RNF212: variants seen among roughly 807,000 people sequenced by gnomAD.
The protein encoded by RNF212 is probable E3 SUMO-protein ligase RNF212.
In RNF212, 33 loss-of-function variants were observed where a neutral mutation model predicts 34.7. The ratio of observed to expected loss-of-function variants is 0.95; its 90% CI spans 0.72 to 1.27. RNF212 has a LOEUF of 1.27. RNF212 is among the 50% of genes most tolerant of loss of function. RNF212 has a pLI of 0.00. For missense variants in RNF212, 377 were observed against 362.2 expected (o/e 1.04, Z -0.33); for synonymous variants, 140 against 136.1 (o/e 1.03, Z -0.20).
chr4:1,066,059 TA>T (rs1718074960), intron 3 of RNF212, among the ~76,000 whole-genome samples: 1 of 6,932 alleles, frequency 1.4e-4, no homozygotes, highest in African/African-American at 6.0e-3. Flanking sequence ...AATGGCTGTT[TA>T]TCTCATCCTA....
chr4:1,090,995 G>A (rs1160079807), intron 3 of RNF212, among the ~76,000 whole-genome samples, 157 bp from the exon 4 acceptor site: 13 of 152,212 alleles, frequency 8.5e-5, no homozygotes, highest in Admixed American at 8.5e-4. Flanking sequence ...GCCAGTGCTT[G>A]CACAGGCAGG....
chr4:1,078,949 C>T (rs1351057302), intron 8 of RNF212, among the ~76,000 whole-genome samples: 1,524 of 125,764 alleles, frequency 0.012, 60 homozygotes, highest in African/African-American at 0.047. Context: ...CAACACAGGA[C>T]CAACACAGGA....
chr4:1,081,785 C>T (rs1001863512), intron 5 of RNF212, 166 bp from the exon 6 acceptor site: 15 of 611,932 alleles, frequency 2.5e-5, no homozygotes, highest in African/African-American at 5.5e-5. Flanking sequence ...TCCTGTGAGT[C>T]GCACGGCCCT....
chr4:1,069,092 T>G (rs943959990), downstream of RNF212, among the ~76,000 whole-genome samples: 1 of 152,022 alleles, frequency 6.6e-6, no homozygotes, highest in Non-Finnish European at 1.5e-5. Context: ...ATGCCTATAG[T>G]CCCAGCTACT....
intron 4 of RNF212, among the ~76,000 whole-genome samples, chr4:1,088,393 G>C (rs1272026633): frequency 6.6e-6 from 1 of 152,218 alleles, no homozygotes; most frequent in South Asian, 2.1e-4. Flanking sequence ...AAGCAGCAAA[G>C]CGTTCAAGAT....
chr4:1,066,410 C>T (rs1718099684), intron 3 of RNF212, among the ~76,000 whole-genome samples: 4 of 152,174 alleles, frequency 2.6e-5, no homozygotes, highest in African/African-American at 7.2e-5. Context: ...CTTACTGCAA[C>T]CTTTGCCCCC....
intron 5 of RNF212, among the ~76,000 whole-genome samples, chr4:1,084,560 T>C (rs1316892641): frequency 6.6e-6 from 1 of 151,482 alleles, no homozygotes; most frequent in Non-Finnish European, 1.5e-5. Flanking sequence ...TGAGACCCCA[T>C]CTCCACACAA....
chr4:1,093,580 G>A, intron 3 of RNF212: 1 of 1,536,052 alleles, frequency 6.5e-7, no homozygotes, highest in Non-Finnish European at 8.7e-7. Context: ...GGCACGAGAG[G>A]CAGAGCAGAC....
At chr4:1,100,459 T>C (rs1200469273) in intron 2 of RNF212, 4 of 149,076 alleles carry the variant, frequency 2.7e-5, no homozygotes, top group Non-Finnish European at 2.9e-5. Flanking sequence ...CCAGGCTGGA[T>C]TGCAGTGGTG....
intron 4 of RNF212, chr4:1,058,258 T>A (rs906346472): frequency 3.0e-5 from 20 of 661,194 alleles, no homozygotes; most frequent in Non-Finnish European, 3.5e-5. Context: ...GTTAGAACGC[T>A]GTGAAGAAGG....
chr4:1,075,849 G>C (rs1560104439), intron 8 of RNF212, among the ~76,000 whole-genome samples: 1 of 152,044 alleles, frequency 6.6e-6, no homozygotes, highest in African/African-American at 2.4e-5. Flanking sequence ...TTTTTGTAGA[G>C]ATGGGGTCTT....
intron 2 of RNF212, among the ~76,000 whole-genome samples, chr4:1,099,347 A>T (rs2153058302): frequency 6.6e-6 from 1 of 152,368 alleles, no homozygotes; most frequent in East Asian, 1.9e-4. Flanking sequence ...TGTAGGTAAG[A>T]AAAATAATTC....
chr4:1,063,120 G>A lies in RNF212; in HGVS notation n.148-4727C>T, dbSNP rs192806312. Among the ~76,000 whole-genome samples, 8 of 152,272 alleles carry A rather than the reference G, an allele frequency of 5.3e-5. No individual in the cohort carries two copies. In the East Asian group the frequency reaches 1.5e-3, roughly 29 times the overall value. The stretch of plus-strand genomic sequence containing the variant: ...GGAAGATGCAGTGTTAGTATTAGAT[G>A]GCAATACCCCCTACATTGATGTACA... On this transcript the variant is annotated intron_variant and non_coding_transcript_variant, in intron 3 of 4. Coordinates refer to the RNF212 transcript ENST00000503206.
At chr4:1,064,954 C>T (rs181209252) in intron 3 of RNF212, among the ~76,000 whole-genome samples, 46 of 152,314 alleles carry the variant, frequency 3.0e-4, no homozygotes, top group African/African-American at 8.9e-4. Context: ...TTCATCCACG[C>T]GGTAGCGTGT....
At chr4:1,107,975 G>A (rs1416476386) in intron 2 of RNF212, among the ~76,000 whole-genome samples, 3 of 152,176 alleles carry the variant, frequency 2.0e-5, no homozygotes, top group African/African-American at 7.2e-5. Context: ...GCCTGCAGCA[G>A]TAATTGATTT....
intron 2 of RNF212, among the ~76,000 whole-genome samples, chr4:1,102,607 C>T (rs1238639158): frequency 6.6e-6 from 1 of 150,820 alleles, no homozygotes; most frequent in East Asian, 2.0e-4. Flanking sequence ...AAAAAAAACA[C>T]TTTGGGAGGC....
chr4:1,074,768 T>C (rs1032616130), intron 8 of RNF212, among the ~76,000 whole-genome samples: 2 of 152,174 alleles, frequency 1.3e-5, no homozygotes, highest in African/African-American at 2.4e-5. Context: ...AGACAGAATC[T>C]TGTGAAATCA....
At chr4:1,067,221 A>G (rs572248798), downstream of RNF212, among the ~76,000 whole-genome samples, 1 of 152,356 alleles carries the variant, frequency 6.6e-6, no homozygotes, top group South Asian at 2.1e-4. Flanking sequence ...GGGGACTCAA[A>G]TCAGTCTATA....
At chr4:1,079,340 C>G (rs190212433) in intron 8 of RNF212, among the ~76,000 whole-genome samples, 1 of 152,208 alleles carries the variant, frequency 6.6e-6, no homozygotes, top group African/African-American at 2.4e-5. Context: ...GGGACCTGTA[C>G]GGGAACAACA....
Sources: gnomAD v4.1 joint callset for allele counts (sites outside exome capture counted in the v4.1 genomes callset) on GRCh38, gnomAD v4.1.1 for gene constraint, MANE v1.5 for transcripts, NCBI Gene and HGNC (gene_info 2026-07-23, HGNC 2026-07-21) for gene names.